PPP3CA: variants seen among roughly 807,000 people sequenced by gnomAD.
PPP3CA encodes the protein protein phosphatase 3 catalytic subunit alpha, also known as CAM-PRP catalytic subunit.
In PPP3CA, 14 loss-of-function variants were observed where a neutral mutation model predicts 66.5. The observed-to-expected ratio is 0.21, with a 90% confidence interval of 0.14 to 0.33. PPP3CA has a LOEUF of 0.33. PPP3CA is among the 10% of genes least tolerant of loss of function. The probability of loss-of-function intolerance (pLI) is 1.00; values close to 1 mark genes in which losing one functional copy is unlikely to be tolerated. For missense variants in PPP3CA, 317 were observed against 639.5 expected (o/e 0.50, Z 5.44); for synonymous variants, 232 against 226.2 (o/e 1.03, Z -0.23).
intron 2 of PPP3CA, among the ~76,000 whole-genome samples, chr4:101,116,488 T>C (rs1161871627): frequency 2.0e-5 from 3 of 151,916 alleles, no homozygotes; most frequent in Non-Finnish European, 4.4e-5. Flanking sequence ...AGAGGTTTTG[T>C]TAGAGGTTAA....
At chr4:101,333,351 A>G (rs1263531462) in intron 1 of PPP3CA, among the ~76,000 whole-genome samples, 2 of 123,176 alleles carry the variant, frequency 1.6e-5, no homozygotes, top group Non-Finnish European at 3.1e-5. Flanking sequence ...CTGGTCTCAA[A>G]TTCCTAGGCT....
At chr4:101,292,652 C>A (rs1426752287) in intron 1 of PPP3CA, among the ~76,000 whole-genome samples, 2 of 152,152 alleles carry the variant, frequency 1.3e-5, no homozygotes, top group Non-Finnish European at 2.9e-5. Flanking sequence ...CTTAATCAGG[C>A]TCTTCTCAAT....
intron 1 of PPP3CA, among the ~76,000 whole-genome samples, chr4:101,328,794 T>C (rs1729282319): frequency 6.6e-6 from 1 of 152,142 alleles, no homozygotes; most frequent in Admixed American, 6.6e-5. Context: ...CTGTGATCCA[T>C]GGTTTTGTAT....
intron 1 of PPP3CA, among the ~76,000 whole-genome samples, chr4:101,309,253 C>G (rs963787718): frequency 9.2e-5 from 14 of 152,108 alleles, no homozygotes; most frequent in African/African-American, 3.4e-4. Flanking sequence ...GGAAACAAAA[C>G]GATACTACAC....
intron 1 of PPP3CA, among the ~76,000 whole-genome samples, chr4:101,307,636 C>T (rs906922412): frequency 3.3e-5 from 5 of 152,310 alleles, no homozygotes; most frequent in Admixed American, 1.3e-4. Context: ...GTTAAAAACA[C>T]TAAAACATGG....
At chr4:101,230,482 G>A (rs1167242393) in intron 1 of PPP3CA, among the ~76,000 whole-genome samples, 4 of 151,370 alleles carry the variant, frequency 2.6e-5, no homozygotes, top group African/African-American at 7.3e-5. Flanking sequence ...TAACACCACC[G>A]CTCTTCAGCC....
chr4:101,073,236 T>A (rs1728998814), intron 8 of PPP3CA, among the ~76,000 whole-genome samples: 1 of 101,592 alleles, frequency 9.8e-6, no homozygotes. Flanking sequence ...TACGTGTGTG[T>A]GTGTGTGTGT....
chr4:101,195,696 C>T (rs1164181889), intron 2 of PPP3CA, among the ~76,000 whole-genome samples: 3 of 152,136 alleles, frequency 2.0e-5, no homozygotes, highest in Non-Finnish European at 2.9e-5. Context: ...CTCTAAGTTG[C>T]ATTCCACTTT....
At chr4:101,080,210 T>C (rs190440394) in intron 8 of PPP3CA, among the ~76,000 whole-genome samples, 3 of 152,344 alleles carry the variant, frequency 2.0e-5, no homozygotes, top group Non-Finnish European at 4.4e-5. Flanking sequence ...ATCCAAATTC[T>C]TTTTAAGAAG....
At chr4:101,201,207 T>A (rs919052728) in intron 1 of PPP3CA, among the ~76,000 whole-genome samples, 3 of 152,260 alleles carry the variant, frequency 2.0e-5, no homozygotes, top group Admixed American at 2.0e-4. Context: ...AGCTTTCTTT[T>A]ACTGGACAGT....
chr4:101,121,191 T>C (rs1722016251), intron 2 of PPP3CA, among the ~76,000 whole-genome samples: 1 of 152,090 alleles, frequency 6.6e-6, no homozygotes, highest in South Asian at 2.1e-4. Flanking sequence ...GGATTATCAA[T>C]CAACTCTTCT....
At chr4:101,147,977 C>A (rs1056353678) in intron 2 of PPP3CA, among the ~76,000 whole-genome samples, 1 of 152,142 alleles carries the variant, frequency 6.6e-6, no homozygotes, top group African/African-American at 2.4e-5. Flanking sequence ...AAAATAGACA[C>A]AATCAGGTAA....
chr4:101,261,275 T>C (rs1280242095), intron 1 of PPP3CA, among the ~76,000 whole-genome samples: 1 of 152,028 alleles, frequency 6.6e-6, no homozygotes, highest in African/African-American at 2.4e-5. Flanking sequence ...CCTTCAAGAA[T>C]TGTAATAGAA....
intron 1 of PPP3CA, among the ~76,000 whole-genome samples, chr4:101,309,379 T>C (rs934786862): frequency 1.3e-5 from 2 of 152,032 alleles, no homozygotes; most frequent in African/African-American, 2.4e-5. Context: ...TAAGAGACTA[T>C]AAGAAACATA....
chr4:101,265,426 A>G (rs886384820), intron 1 of PPP3CA, among the ~76,000 whole-genome samples: 1 of 152,154 alleles, frequency 6.6e-6, no homozygotes, highest in Non-Finnish European at 1.5e-5. Flanking sequence ...GCTTTCTTCA[A>G]GATATTTAAT....
intron 2 of PPP3CA, among the ~76,000 whole-genome samples, chr4:101,118,333 CTCTT>C (rs1406860275): frequency 2.0e-5 from 3 of 152,050 alleles, no homozygotes; most frequent in Non-Finnish European, 4.4e-5. Flanking sequence ...CAGCTAATCT[CTCTT>C]TATCTGTTTC....
chr4:101,158,831 A>G (rs373247839), intron 2 of PPP3CA, among the ~76,000 whole-genome samples: 4 of 152,238 alleles, frequency 2.6e-5, no homozygotes, highest in South Asian at 4.1e-4. Flanking sequence ...TAGTTAAAGC[A>G]TTTTAATCAG....
intron 1 of PPP3CA, among the ~76,000 whole-genome samples, chr4:101,285,054 A>AC (rs1298171582): frequency 6.6e-6 from 1 of 152,058 alleles, no homozygotes; most frequent in Non-Finnish European, 1.5e-5. Context: ...AACCACACAA[A>AC]CACAAACCCA....
intron 1 of PPP3CA, among the ~76,000 whole-genome samples, chr4:101,304,833 T>C (rs1243625105): frequency 1.3e-5 from 2 of 152,282 alleles, no homozygotes; most frequent in Admixed American, 6.5e-5. Flanking sequence ...GAAAACAAAT[T>C]CAAAAATATC....
Sources: allele counts gnomAD v4.1 joint callset (sites outside exome capture counted in the v4.1 genomes callset), GRCh38; gene constraint gnomAD v4.1.1; transcripts MANE v1.5; gene names NCBI Gene and HGNC (gene_info 2026-07-23, HGNC 2026-07-21).